The following LRBA variants were observed in gnomAD, a reference collection of about 807,000 sequenced individuals.
The protein encoded by LRBA is lipopolysaccharide-responsive and beige-like anchor protein.
In LRBA, 176 loss-of-function variants were observed where a neutral mutation model predicts 330.0. The observed-to-expected ratio is 0.53, with a 90% CI of 0.47 to 0.60. The LOEUF is 0.60. Among genes scored for constraint, LRBA ranks in the 20% least tolerant of loss-of-function variants. The pLI is 0.00. For missense variants in LRBA, 3,259 were observed against 3,444.8 expected (o/e 0.95, Z 1.35); for synonymous variants, 1,230 against 1,193.0 (o/e 1.03, Z -0.64).
At chr4:150,453,377 G>A (rs116418655) in intron 44 of LRBA, among the ~76,000 whole-genome samples, 84 of 152,180 alleles carry the variant, frequency 5.5e-4, no homozygotes, top group African/African-American at 1.9e-3. Flanking sequence ...ATATATGGCC[G>A]ATTGATTTCC....
intron 36 of LRBA, among the ~76,000 whole-genome samples, chr4:150,706,488 T>C (rs549910733): frequency 5.5e-4 from 83 of 151,646 alleles, no homozygotes; most frequent in African/African-American, 1.9e-3. Context: ...AATAAAACTA[T>C]AGAAATATTA....
intron 48 of LRBA, among the ~76,000 whole-genome samples, chr4:150,329,200 G>A (rs1733680187): frequency 6.6e-6 from 1 of 152,122 alleles, no homozygotes; most frequent in African/African-American, 2.4e-5. Context: ...AAAAGGCTGT[G>A]GAATTCTCAG....
chr4:150,712,637 G>A (rs1445249355), intron 36 of LRBA, among the ~76,000 whole-genome samples: 2 of 151,986 alleles, frequency 1.3e-5, no homozygotes, highest in African/African-American at 2.4e-5. Flanking sequence ...TGGCAAGAAC[G>A]AAGCACCAAA....
At chr4:150,836,462 A>G (rs1241311879) in intron 28 of LRBA, among the ~76,000 whole-genome samples, 2 of 152,156 alleles carry the variant, frequency 1.3e-5, no homozygotes, top group Non-Finnish European at 2.9e-5. Context: ...GCTATTAATT[A>G]TTGCCTCAAT....
intron 40 of LRBA, among the ~76,000 whole-genome samples, chr4:150,569,472 T>C (rs954939690): frequency 6.6e-6 from 1 of 152,172 alleles, no homozygotes; most frequent in African/African-American, 2.4e-5. Context: ...ATCAATGATT[T>C]GTTCAGCTTG....
intron 47 of LRBA, among the ~76,000 whole-genome samples, chr4:150,366,413 G>A (rs17026846): frequency 2.0e-5 from 3 of 152,076 alleles, no homozygotes; most frequent in Non-Finnish European, 2.9e-5. Context: ...TGCAGTTATA[G>A]GTCAGAATCT....
At chr4:150,658,581 C>G (rs1355810670) in intron 37 of LRBA, among the ~76,000 whole-genome samples, 8 of 12 alleles carry the variant, frequency 0.67, 3 homozygotes, top group African/African-American at 0.67. Context: ...CTCTCCCTCT[C>G]CCTCTCCCTC....
chr4:150,660,568 T>G (rs1780935220), intron 37 of LRBA, among the ~76,000 whole-genome samples: 1 of 148,356 alleles, frequency 6.7e-6, no homozygotes, highest in Non-Finnish European at 1.5e-5. Flanking sequence ...CTGGGAGGTG[T>G]GCCCAACAGC....
intron 2 of LRBA, among the ~76,000 whole-genome samples, chr4:150,948,036 G>C (rs1029328714): frequency 3.3e-5 from 5 of 152,004 alleles, no homozygotes; most frequent in South Asian, 2.1e-4. Context: ...TGCATTCATA[G>C]TACAGCTGTC....
At chr4:150,387,761 A>C (rs931540438) in intron 47 of LRBA, among the ~76,000 whole-genome samples, 1 of 152,204 alleles carries the variant, frequency 6.6e-6, no homozygotes, top group African/African-American at 2.4e-5. Flanking sequence ...ATAACATTTG[A>C]GCAAAAATTA....
Position 150,852,768 on chromosome 4 carries a change from A to T in LRBA, c.2942T>A (p.Val981Asp). 2 of 1,614,042 alleles carry T rather than the reference A, an allele frequency of 1.2e-6. No homozygotes were observed. The highest frequency in any genetic ancestry group is 1.7e-6 in the Non-Finnish European group (2 of 1,179,924). The change falls in exon 23 of 57, where the codon GTC becomes GAC. Residue 981 changes from valine to aspartate, a missense_variant. By Grantham distance (152) the Val-to-Asp change is radical. Coordinates refer to ENST00000651943, the MANE Select transcript of LRBA (RefSeq NM_001364905.1). ...ACCATTTGTGGTGAAATGAGGACAG[A>T]CAGGAGAATCCTTCGTATCTGGTTG... Reference protein sequence around the residue: ...SQQPDTKDSPVCPHFTTNGNE... With the variant: ...SQQPDTKDSPDCPHFTTNGNE...
intron 28 of LRBA, among the ~76,000 whole-genome samples, chr4:150,834,439 A>G (rs1288459923): frequency 6.6e-6 from 1 of 152,242 alleles, no homozygotes; most frequent in African/African-American, 2.4e-5. Context: ...TGAAAATAAC[A>G]TGAATCTCCT....
At chr4:150,973,097 G>A (rs1380205261) in intron 2 of LRBA, among the ~76,000 whole-genome samples, 4 of 152,162 alleles carry the variant, frequency 2.6e-5, no homozygotes, top group African/African-American at 9.7e-5. Context: ...ACCAGCCTGG[G>A]CAACAGAATG....
intron 2 of LRBA, among the ~76,000 whole-genome samples, chr4:150,954,678 A>T (rs1020390669): frequency 1.3e-5 from 2 of 149,464 alleles, no homozygotes; most frequent in African/African-American, 5.1e-5. Context: ...CTTTGTTCAC[A>T]TGTTTATCTG....
chr4:150,809,587 G>A (rs1743296990), intron 31 of LRBA, among the ~76,000 whole-genome samples: 1 of 152,152 alleles, frequency 6.6e-6, no homozygotes, highest in South Asian at 2.1e-4. Context: ...AGGTGCAGTG[G>A]CTCACGCCAG....
chr4:150,782,320 T>C (rs762357529), intron 34 of LRBA, among the ~76,000 whole-genome samples: 17 of 152,252 alleles, frequency 1.1e-4, no homozygotes, highest in Non-Finnish European at 2.1e-4. Flanking sequence ...TTCTTGTAGC[T>C]GCTGTAACAA....
chr4:150,443,686 G>A (rs1222412406), intron 44 of LRBA, among the ~76,000 whole-genome samples: 4 of 151,634 alleles, frequency 2.6e-5, no homozygotes, highest in Non-Finnish European at 2.9e-5. Context: ...ATCACACACC[G>A]GCACCTGTTG....
chr4:150,862,690 A>T (rs888021851), intron 22 of LRBA, among the ~76,000 whole-genome samples: 10 of 151,326 alleles, frequency 6.6e-5, no homozygotes, highest in African/African-American at 2.2e-4. Context: ...AAAAAAAAAA[A>T]AAAAGTCCAG....
chr4:150,351,818 T>C (rs61378721), intron 47 of LRBA, among the ~76,000 whole-genome samples: 61,329 of 152,084 alleles, frequency 0.4, 13,248 homozygotes, highest in Non-Finnish European at 0.5. Flanking sequence ...ATGTACTATG[T>C]TTTTTCCTAT....
Sources: allele counts gnomAD v4.1 joint callset (sites outside exome capture counted in the v4.1 genomes callset), GRCh38; gene constraint gnomAD v4.1.1; transcripts MANE v1.5; gene names NCBI Gene and HGNC (gene_info 2026-07-23, HGNC 2026-07-21).